The following SYNPR variants were observed in gnomAD, a reference collection of about 807,000 sequenced individuals.
SYNPR encodes synaptoporin.
SYNPR carries 23 observed loss-of-function variants against 32.9 expected under a neutral mutation model. That is an observed-to-expected ratio of 0.70 (90% CI 0.50 to 0.99). The LOEUF is 0.99. SYNPR is among the 50% of genes least tolerant of loss of function. The probability of loss-of-function intolerance (pLI) is 0.00; values close to 1 mark genes in which losing one functional copy is unlikely to be tolerated. For missense variants in SYNPR, 318 were observed against 349.3 expected (o/e 0.91, Z 0.71); for synonymous variants, 146 against 135.9 (o/e 1.07, Z -0.52).
At chr3:63,573,141 C>T (rs1001559249) in intron 4 of SYNPR, among the ~76,000 whole-genome samples, 1 of 152,132 alleles carries the variant, frequency 6.6e-6, no homozygotes, top group Admixed American at 6.6e-5. Flanking sequence ...ATGAATGAGT[C>T]TCTCTGAAGT....
intron 4 of SYNPR, among the ~76,000 whole-genome samples, chr3:63,598,564 T>A (rs1166856527): frequency 6.6e-6 from 1 of 152,164 alleles, no homozygotes; most frequent in East Asian, 1.9e-4. Flanking sequence ...GATGAATAGC[T>A]CAGAGTATAT....
chr3:63,287,483 T>C (rs6793444), intron 2 of SYNPR, among the ~76,000 whole-genome samples: 70,449 of 151,856 alleles, frequency 0.46, 16,525 homozygotes, highest in Middle Eastern at 0.52. Flanking sequence ...AGCTACTCAA[T>C]CAGAGTAAAT....
intron 2 of SYNPR, among the ~76,000 whole-genome samples, chr3:63,471,219 T>C (rs572245053): frequency 6.6e-6 from 1 of 152,208 alleles, no homozygotes; most frequent in African/African-American, 2.4e-5. Context: ...ATTGGGGCCA[T>C]TTAAGAGCAC....
chr3:63,501,613 G>T lies in SYNPR; in HGVS notation c.209+20657G>T, dbSNP rs182454122. 1.2e-3 allele frequency among the ~76,000 whole-genome samples: 176 copies of T among 151,886 alleles called. 1 individual carries two copies. Among genetic ancestry groups the T allele is most frequent in the African/African-American group, 3.9e-3 (161 of 41,460 alleles). ...CACATGATAAGTGCTTAATAAATAT[G>T]ATGAGCCTTTGCTATCATCATCAGC... On this transcript the variant is annotated intron_variant, in intron 3 of 5. Transcript: ENST00000478300.
chr3:63,368,300 T>C (rs576820301), intron 2 of SYNPR, among the ~76,000 whole-genome samples: 1 of 152,248 alleles, frequency 6.6e-6, no homozygotes, highest in Admixed American at 6.5e-5. Flanking sequence ...GAGTGACCAG[T>C]GGTAATGCCA....
At chr3:63,425,479 T>G (rs781153553) in intron 2 of SYNPR, among the ~76,000 whole-genome samples, 1 of 152,198 alleles carries the variant, frequency 6.6e-6, no homozygotes, top group African/African-American at 2.4e-5. Flanking sequence ...AGGAGATAAC[T>G]CCTCATGTAG....
At position 63,595,772 on chromosome 3, in the gene SYNPR, T is replaced by G. The variant is rs1269276451; in HGVS notation, c.409-13353T>G. Among the ~76,000 whole-genome samples, 2 of 54,650 alleles carry G rather than the reference T, an allele frequency of 3.7e-5. 1 individual carries two copies. Among genetic ancestry groups the G allele is most frequent in the African/African-American group, 1.9e-4 (2 of 10,412 alleles). The allele number at this position is 54,650 out of a possible 152,430, so 35.9% of individuals were successfully genotyped here. A position where few individuals can be genotyped will look rare whatever the true frequency, so the allele number is the denominator to read the frequency against. Reference sequence around the variant, plus strand: ...ATATATATATATATATATATATAATTTTATATATATATAGTTATATATATA... The same window carrying G: ...ATATATATATATATATATATATAATGTTATATATATATAGTTATATATATA... On this transcript the variant is annotated intron_variant, in intron 4 of 5. Transcript: ENST00000478300.
chr3:63,520,812 G>A (rs1466005027), intron 3 of SYNPR, among the ~76,000 whole-genome samples: 2 of 152,168 alleles, frequency 1.3e-5, no homozygotes, highest in Non-Finnish European at 1.5e-5. Context: ...ATTTGGCCCT[G>A]TCTACCCTGC....
At chr3:63,207,809 T>G in the SYNPR span, among the ~76,000 whole-genome samples, 2 of 152,126 alleles carry the variant, frequency 1.3e-5, no homozygotes, top group East Asian at 1.9e-4. Flanking sequence ...AATATTTTGA[T>G]GTAAATCTCA....
chr3:63,266,194 G>T (rs192405044), intron 2 of SYNPR, among the ~76,000 whole-genome samples: 13 of 152,216 alleles, frequency 8.5e-5, no homozygotes, highest in Admixed American at 7.8e-4. Flanking sequence ...CTAGAAGTTG[G>T]CACAGGAAAG....
At chr3:63,614,919 G>A (rs764097224) in intron 5 of SYNPR, among the ~76,000 whole-genome samples, 9 of 152,288 alleles carry the variant, frequency 5.9e-5, no homozygotes, top group African/African-American at 9.6e-5. Flanking sequence ...AGCAAGCCAC[G>A]CGACCTTAGA....
chr3:63,486,985 T>C (rs1244749305), intron 3 of SYNPR, among the ~76,000 whole-genome samples: 2 of 152,202 alleles, frequency 1.3e-5, no homozygotes, highest in African/African-American at 4.8e-5. Context: ...TGGTTAGACA[T>C]AGTTTGTATT....
At chr3:63,305,287 C>T (rs776176448) in intron 2 of SYNPR, among the ~76,000 whole-genome samples, 5 of 152,034 alleles carry the variant, frequency 3.3e-5, no homozygotes, top group South Asian at 2.1e-4. Flanking sequence ...TCATGAGATA[C>T]GCTGAGCTAG....
At chr3:63,472,740 G>A (rs1700827371) in intron 2 of SYNPR, among the ~76,000 whole-genome samples, 1 of 152,128 alleles carries the variant, frequency 6.6e-6, no homozygotes, top group South Asian at 2.1e-4. Context: ...ACTTACCAGT[G>A]TAATCAGTGT....
chr3:63,243,682 C>A (rs2086264271), intron 1 of SYNPR, among the ~76,000 whole-genome samples: 1 of 151,880 alleles, frequency 6.6e-6, no homozygotes, highest in South Asian at 2.1e-4. Context: ...AATAATAATG[C>A]AAAATATGCA....
chr3:63,501,229 A>T (rs1232023955), intron 3 of SYNPR, among the ~76,000 whole-genome samples: 1 of 152,190 alleles, frequency 6.6e-6, no homozygotes, highest in Non-Finnish European at 1.5e-5. Context: ...CTGTAATCTC[A>T]GCACTTTTGG....
At chr3:63,330,138 A>C (rs2087210803) in intron 2 of SYNPR, 1 of 152,166 alleles carries the variant, frequency 6.6e-6, no homozygotes, top group African/African-American at 2.4e-5. Context: ...CTCAGCCCTC[A>C]GGAGCCTTTT....
intron 2 of SYNPR, among the ~76,000 whole-genome samples, chr3:63,382,631 C>T (rs2087986625): frequency 6.6e-6 from 1 of 152,168 alleles, no homozygotes; most frequent in African/African-American, 2.4e-5. Flanking sequence ...AAAAAGAAAT[C>T]TCGGGGAACA....
chr3:63,540,891 T>TACACACAC (rs34925541), intron 3 of SYNPR, among the ~76,000 whole-genome samples: 3,100 of 122,832 alleles, frequency 0.025, 70 homozygotes, highest in African/African-American at 0.061. Flanking sequence ...CTATCACTCC[T>TACACACAC]ACACACACAC....
Sources: allele counts gnomAD v4.1 joint callset (sites outside exome capture counted in the v4.1 genomes callset), GRCh38; gene constraint gnomAD v4.1.1; transcripts MANE v1.5; gene names NCBI Gene and HGNC (gene_info 2026-07-23, HGNC 2026-07-21).